The following RHBDD2 variants were observed in gnomAD, a reference collection of about 807,000 sequenced individuals.
RHBDD2 encodes rhomboid domain containing 2, also known as rhomboid domain-containing protein 2.
RHBDD2 carries 13 observed loss-of-function variants against 21.7 expected under a neutral mutation model. The ratio of observed to expected loss-of-function variants is 0.60; its 90% CI spans 0.39 to 0.95. The LOEUF is 0.95. Among genes scored for constraint, RHBDD2 ranks in the 40% least tolerant of loss-of-function variants. RHBDD2 has a pLI of 0.00. For synonymous variants in RHBDD2, 225 were observed against 220.0 expected, an observed-to-expected ratio of 1.02 and a Z score of -0.20; for missense variants, 473 against 478.9, an observed-to-expected ratio of 0.99 and a Z score of 0.11.
At chr7:75,884,207 C>T (rs542367422) in intron 3 of RHBDD2, among the ~76,000 whole-genome samples, 32 of 152,084 alleles carry the variant, frequency 2.1e-4, no homozygotes, top group African/African-American at 7.2e-4. Flanking sequence ...GCTGTCAAAT[C>T]TTATTCTGTT....
chr7:75,879,771 G>A (rs1161747845), intron 1 of RHBDD2, among the ~76,000 whole-genome samples: 3 of 152,182 alleles, frequency 2.0e-5, no homozygotes, highest in African/African-American at 4.8e-5. Flanking sequence ...TTTTTCATCT[G>A]TATCTTAATC....
At position 75,882,140 on chromosome 7, in the gene RHBDD2, T is replaced by C; in HGVS notation, c.490T>C (p.Ser164Pro). The change falls in exon 2 of 4, where the codon TCA becomes CCA. Residue 164 changes from serine (S) to proline (P), a missense_variant. Ser to Pro is a moderately conservative substitution (Grantham distance 74). Transcript: ENST00000006777. ...CCTGGTGTTTGGCATGGTTGTGCCC[T>C]CAGTCCTGGTTCCGTGGCTCCTGCT... ...RALVFGMVVP[S>P]VLVPWLLLGA... 6.2e-7 allele frequency: 1 copy of C among 1,614,204 alleles called. No homozygotes were observed. Among genetic ancestry groups the C allele is most frequent in the Non-Finnish European group, 8.5e-7 (1 of 1,180,034 alleles).
Position 75,882,877 on chromosome 7 carries a change from G to A in RHBDD2, c.586+641G>A, listed in dbSNP as rs116663540. Reference sequence around the variant, plus strand: ...CTGAATCTTTGTGGCTGCCTAATCAGTGGTGGGTGACTTAGGTCAGACGAC... The same window carrying A: ...CTGAATCTTTGTGGCTGCCTAATCAATGGTGGGTGACTTAGGTCAGACGAC... On this transcript the variant is annotated intron_variant, in intron 2 of 3. Transcript: ENST00000006777. 3.1e-3 allele frequency among the ~76,000 whole-genome samples: 472 copies of A among 152,294 alleles called. 1 individual carries two copies. The highest frequency in any genetic ancestry group is 0.01 in the African/African-American group (428 of 41,570).
chr7:75,883,002 C>T (rs73359781), intron 2 of RHBDD2, among the ~76,000 whole-genome samples: 3,293 of 152,072 alleles, frequency 0.022, 107 homozygotes, highest in African/African-American at 0.073. Context: ...AGGCAGGTGC[C>T]CTCTATTTGA....
intron 3 of RHBDD2, among the ~76,000 whole-genome samples, chr7:75,884,340 G>A (rs1429574265): frequency 6.6e-6 from 1 of 152,042 alleles, no homozygotes; most frequent in African/African-American, 2.4e-5. Flanking sequence ...TCCCACCTCA[G>A]CCTCCCAAGT....
intron 2 of RHBDD2, 27 bp downstream of exon 2, chr7:75,882,263 A>G (rs1554542800): frequency 6.4e-7 from 1 of 1,570,056 alleles, no homozygotes; most frequent in Non-Finnish European, 8.7e-7. Context: ...AGAGCTATAG[A>G]ACAACGCATG....
chr7:75,882,610 C>T (rs1390869636), intron 2 of RHBDD2, among the ~76,000 whole-genome samples: 3 of 152,168 alleles, frequency 2.0e-5, no homozygotes, highest in African/African-American at 7.2e-5. Flanking sequence ...CAGGTGTGAG[C>T]CACCGTGGCC....
intron 1 of RHBDD2, 119 bp downstream of exon 1, chr7:75,879,379 C>G: frequency 1.0e-6 from 1 of 970,258 alleles, no homozygotes; most frequent in East Asian, 3.3e-5. Flanking sequence ...CCCCCTGTCT[C>G]GGTCCTCATC....
rs782251279 is a variant in RHBDD2, at chr7:75,882,001, C to A, written c.351C>A (p.Phe117Leu). 9 of 1,614,214 alleles carry A rather than the reference C, an allele frequency of 5.6e-6. No homozygotes were observed. The highest frequency in any genetic ancestry group is 6.8e-6 in the Non-Finnish European group (8 of 1,180,038). ...AIFSAIIFLS[F>L]EAVSSLSKLG... The stretch of plus-strand genomic sequence containing the variant: ...TCTCCGCTATCATCTTCCTGTCATT[C>A]GAGGCTGTGTCATCACTGTCAAAGC... Residue 117 changes from phenylalanine (F) to leucine (L), a missense_variant, in exon 2 of 4, where the codon TTC becomes TTA. Physicochemically the swap from Phe to Leu is conservative, Grantham distance 22. Transcript: ENST00000006777.
Position 75,879,204 on chromosome 7 carries a change from A to T in RHBDD2, c.122A>T (p.Gln41Leu). Residue 41 changes from glutamine (Q) to leucine (L), a missense_variant, in exon 1 of 4, where the codon CAG becomes CTG. Physicochemically the swap from Gln to Leu is moderately radical, Grantham distance 113 (BLOSUM62 -2). Coordinates refer to ENST00000006777, the MANE Select transcript of RHBDD2 (RefSeq NM_001040456.3). ...VSGPRLFLLQ[Q>L]PLAPSGLTLK... Reference sequence around the variant, plus strand: ...GGGCCTCGCCTGTTCCTGCTGCAGCAGCCCCTGGCGCCCTCGGGCCTCACG... The same window carrying T: ...GGGCCTCGCCTGTTCCTGCTGCAGCTGCCCCTGGCGCCCTCGGGCCTCACG... 1 of 1,520,438 alleles carries T rather than the reference A, an allele frequency of 6.6e-7. No homozygotes were observed. Among genetic ancestry groups the T allele is most frequent in the Admixed American group, 2.1e-5 (1 of 48,276 alleles). The allele number at this position is 1,520,438 out of a possible 1,614,324, so 94.2% of individuals were successfully genotyped here.
chr7:75,886,971 A>T (rs1326217037), intron 3 of RHBDD2, among the ~76,000 whole-genome samples: 1 of 152,088 alleles, frequency 6.6e-6, no homozygotes, highest in Admixed American at 6.6e-5. Flanking sequence ...CGTGACATGG[A>T]GTCCAGTCCC....
At chr7:75,887,306 T>TA (rs551487813) in intron 3 of RHBDD2, among the ~76,000 whole-genome samples, 1,574 of 127,588 alleles carry the variant, frequency 0.012, 22 homozygotes, top group South Asian at 0.05. Flanking sequence ...CCTGGCTAAT[T>TA]AAAAAAAAAA....
At chr7:75,881,430 CCACT>C (rs1554542459) in intron 1 of RHBDD2, 1 of 1,295,334 alleles carries the variant, frequency 7.7e-7, no homozygotes, top group Non-Finnish European at 1.0e-6. Flanking sequence ...TAAGTGACAC[CCACT>C]CAATCCACCC....
At chr7:75,883,568 C>T (rs1249604799) in intron 2 of RHBDD2, 130 bp from the exon 3 acceptor site, 1 of 768,906 alleles carries the variant, frequency 1.3e-6, no homozygotes, top group Non-Finnish European at 2.1e-6. Flanking sequence ...GCTGCAAACT[C>T]CAGCCAGAGT....
chr7:75,884,226 C>T (rs1458938657), intron 3 of RHBDD2, among the ~76,000 whole-genome samples: 1 of 151,748 alleles, frequency 6.6e-6, no homozygotes, highest in African/African-American at 2.4e-5. Context: ...TTTTTTTATT[C>T]TTTTTTTTAT....
At chr7:75,881,788 A>T in intron 1 of RHBDD2, 41 bp from the exon 2 acceptor site, 1 of 1,548,324 alleles carries the variant, frequency 6.5e-7, no homozygotes, top group Non-Finnish European at 8.7e-7. Context: ...CCCTCCTGGG[A>T]GCAACCCGCC....
intron 3 of RHBDD2, among the ~76,000 whole-genome samples, chr7:75,885,798 C>T (rs758736094): frequency 1.3e-5 from 2 of 152,254 alleles, no homozygotes; most frequent in South Asian, 2.1e-4. Context: ...AAGCCACTCA[C>T]GCAAGGTCTG....
In RHBDD2 at chr7:75,888,872, A is replaced by G. The variant is rs1357113451; in HGVS notation, c.*523A>G. On this transcript the variant is annotated 3_prime_UTR_variant, in exon 4 of 4. Transcript: ENST00000006777. ...ATGGGCCCCCATGAACTGCAGCAGC[A>G]TGCTGAGGTGTCCATGTTGTCTGCC... The G allele has an allele frequency of 6.2e-6, 1 of 161,340 alleles. No individual in the cohort carries two copies. The highest frequency in any genetic ancestry group is 1.4e-5 in the Non-Finnish European group (1 of 73,368). 10.0% of individuals were successfully genotyped at this position (161,340 alleles called of 1,614,324 possible).
At chr7:75,883,567 T>C in intron 2 of RHBDD2, 131 bp from the exon 3 acceptor site, 3 of 749,614 alleles carry the variant, frequency 4.0e-6, no homozygotes, top group Non-Finnish European at 6.5e-6. Context: ...AGCTGCAAAC[T>C]CCAGCCAGAG....
Sources: gnomAD v4.1 joint callset for allele counts (sites outside exome capture counted in the v4.1 genomes callset) on GRCh38, gnomAD v4.1.1 for gene constraint, MANE v1.5 for transcripts, NCBI Gene and HGNC (gene_info 2026-07-23, HGNC 2026-07-21) for gene names.